SCAND3: variants seen among roughly 807,000 people sequenced by gnomAD.
SCAND3 encodes the protein SCAN domain-containing protein 3.
the SCAND3 span, among the ~76,000 whole-genome samples, chr6:28,577,579 C>T: frequency 6.6e-6 from 1 of 152,152 alleles, no homozygotes; most frequent in Non-Finnish European, 1.5e-5. Flanking sequence ...GAGATGTTCC[C>T]TATATTAACT....
At chr6:28,572,399 C>G in the SCAND3 span, 1 of 1,613,172 alleles carries the variant, frequency 6.2e-7, no homozygotes, top group South Asian at 1.1e-5. The surrounding 1 kb of genome is among the most constrained non-coding windows in gnomAD (Gnocchi z 4.1). Context: ...TTACCTACTT[C>G]ATTGATAATT....
the SCAND3 span, chr6:28,574,668 A>G: frequency 1.2e-6 from 2 of 1,613,750 alleles, no homozygotes; most frequent in Non-Finnish European, 1.7e-6. Context: ...TGTCTGGTGA[A>G]AATGGTGTCC....
chr6:28,589,457 G>A, the SCAND3 span: 2 of 148,718 alleles, frequency 1.3e-5, no homozygotes, highest in African/African-American at 5.0e-5. Context: ...ACCTTTCAAA[G>A]GTGAACGTTT....
At chr6:28,612,006 A>C in the SCAND3 span, among the ~76,000 whole-genome samples, 2 of 151,884 alleles carry the variant, frequency 1.3e-5, no homozygotes, top group African/African-American at 4.8e-5. Context: ...AGATTTTAAC[A>C]ATTTCACTTC....
the SCAND3 span, among the ~76,000 whole-genome samples, chr6:28,606,969 T>G: frequency 4.2e-4 from 64 of 152,350 alleles, no homozygotes; most frequent in East Asian, 0.011. Context: ...ACAGATTGTC[T>G]GCTTTCAGGC....
the SCAND3 span, chr6:28,572,743 T>C: frequency 6.2e-7 from 1 of 1,614,122 alleles, no homozygotes; most frequent in East Asian, 2.2e-5. This position sits in a 1 kb window ranked among gnomAD's most constrained non-coding sequence, Gnocchi z 4.1. Context: ...TTGCTTATGA[T>C]CAGCTTCCAT....
chr6:28,577,532 G>T, the SCAND3 span, among the ~76,000 whole-genome samples: 1 of 152,108 alleles, frequency 6.6e-6, no homozygotes, highest in Non-Finnish European at 1.5e-5. Flanking sequence ...AAACAAGAAG[G>T]TAATACCTTA....
the SCAND3 span, among the ~76,000 whole-genome samples, chr6:28,606,909 G>A: frequency 6.6e-6 from 1 of 152,306 alleles, no homozygotes; most frequent in Non-Finnish European, 1.5e-5. Context: ...GCCTCCTGGG[G>A]CCTTATGGTT....
chr6:28,584,318 G>A, the SCAND3 span, among the ~76,000 whole-genome samples: 2 of 152,104 alleles, frequency 1.3e-5, no homozygotes, highest in African/African-American at 2.4e-5. Flanking sequence ...GTGTATCACT[G>A]AGAATTATAA....
At chr6:28,609,124 C>T in the SCAND3 span, among the ~76,000 whole-genome samples, 2 of 152,142 alleles carry the variant, frequency 1.3e-5, no homozygotes, top group Non-Finnish European at 2.9e-5. Flanking sequence ...TCATTATCTT[C>T]ACTACTACTT....
the SCAND3 span, chr6:28,573,716 T>C: frequency 6.2e-7 from 1 of 1,609,196 alleles, no homozygotes. Flanking sequence ...CTTTTGGTTT[T>C]CCCTTCTTCA....
At chr6:28,609,859 A>G in the SCAND3 span, among the ~76,000 whole-genome samples, 1 of 152,242 alleles carries the variant, frequency 6.6e-6, no homozygotes, top group East Asian at 1.9e-4. Context: ...TGTGTTTAAT[A>G]ACATTATAAT....
At chr6:28,602,344 G>A in the SCAND3 span, among the ~76,000 whole-genome samples, 6 of 152,092 alleles carry the variant, frequency 3.9e-5, no homozygotes, top group Admixed American at 3.3e-4. Flanking sequence ...GAGTAACTGG[G>A]ACTACAGGTG....
the SCAND3 span, among the ~76,000 whole-genome samples, chr6:28,600,884 C>A: frequency 2.7e-5 from 4 of 150,058 alleles, no homozygotes; most frequent in African/African-American, 4.9e-5. Flanking sequence ...CTCAGGAGGT[C>A]CTGACAACAT....
the SCAND3 span, chr6:28,572,291 G>A: frequency 1.7e-5 from 28 of 1,606,790 alleles, no homozygotes; most frequent in Non-Finnish European, 2.1e-5. The surrounding 1 kb of genome is among the most constrained non-coding windows in gnomAD (Gnocchi z 4.1). Flanking sequence ...TTTCCTATGC[G>A]TGGATCTTCT....
the SCAND3 span, among the ~76,000 whole-genome samples, chr6:28,609,893 T>C: frequency 6.6e-6 from 1 of 152,164 alleles, no homozygotes; most frequent in East Asian, 1.9e-4. Flanking sequence ...AAATCCAGAA[T>C]GTGGAAAATT....
chr6:28,611,297 A>G, the SCAND3 span, among the ~76,000 whole-genome samples: 2 of 152,196 alleles, frequency 1.3e-5, no homozygotes, highest in Admixed American at 6.5e-5. Context: ...ACCTATGGTT[A>G]TCATCTAAAA....
chr6:28,581,882 T>G, the SCAND3 span, among the ~76,000 whole-genome samples: 1 of 152,132 alleles, frequency 6.6e-6, no homozygotes, highest in African/African-American at 2.4e-5. Context: ...GAAAGAAGGG[T>G]AGAATAGACA....
At chr6:28,585,328 C>CA in the SCAND3 span, 2 of 152,012 alleles carry the variant, frequency 1.3e-5, no homozygotes, top group African/African-American at 2.4e-5. Context: ...AAAACTTTAG[C>CA]AAAAAATACA....
Sources: allele counts gnomAD v4.1 joint callset (sites outside exome capture counted in the v4.1 genomes callset), GRCh38; gene constraint gnomAD v4.1.1; non-coding constraint Gnocchi (gnomAD v3.1); transcripts MANE v1.5; gene names NCBI Gene and HGNC (gene_info 2026-07-23, HGNC 2026-07-21).